Variants in PPP2R2C observed in about 807,000 individuals in gnomAD.
PPP2R2C encodes the protein protein phosphatase 2, regulatory subunit B, gamma.
In PPP2R2C, 10 loss-of-function variants were observed where a neutral mutation model predicts 45.3. That is an observed-to-expected ratio of 0.22 (90% CI 0.14 to 0.37). The LOEUF is 0.37. Ranked by LOEUF, PPP2R2C falls within the 10% of genes least tolerant of loss-of-function variation. PPP2R2C has a pLI of 1.00. For missense variants in PPP2R2C, 308 were observed against 619.7 expected, an observed-to-expected ratio of 0.50 and a Z score of 5.34; for synonymous variants, 257 against 245.4, an observed-to-expected ratio of 1.05 and a Z score of -0.44.
intron 1 of PPP2R2C, among the ~76,000 whole-genome samples, chr4:6,408,643 G>T (rs979232818): frequency 1.3e-5 from 2 of 152,142 alleles, no homozygotes; most frequent in Non-Finnish European, 2.9e-5. Flanking sequence ...ATTAGTATTT[G>T]GATTCCTTGG....
intron 1 of PPP2R2C, among the ~76,000 whole-genome samples, chr4:6,388,527 G>C (rs1210852656): frequency 6.6e-6 from 1 of 152,192 alleles, no homozygotes; most frequent in African/African-American, 2.4e-5. Flanking sequence ...CTGATAAGAA[G>C]TCCATATGAA....
intron 1 of PPP2R2C, among the ~76,000 whole-genome samples, chr4:6,459,989 A>C (rs1721243568): frequency 6.6e-6 from 1 of 152,210 alleles, no homozygotes; most frequent in Admixed American, 6.5e-5. Context: ...GAAATAACCA[A>C]ATATGCACGC....
chr4:6,374,491 C>A (rs1038445973), intron 4 of PPP2R2C, among the ~76,000 whole-genome samples: 1 of 152,144 alleles, frequency 6.6e-6, no homozygotes, highest in Admixed American at 6.5e-5. Flanking sequence ...CAGACAGTGT[C>A]GGATCCAAAA....
At chr4:6,357,142 C>A (rs532617930) in intron 5 of PPP2R2C, among the ~76,000 whole-genome samples, 1 of 147,384 alleles carries the variant, frequency 6.8e-6, no homozygotes, top group South Asian at 2.2e-4. Context: ...TGTGGCACCT[C>A]GGGTCAGTCT....
intron 1 of PPP2R2C, among the ~76,000 whole-genome samples, chr4:6,450,018 C>T (rs1018396706): frequency 6.6e-6 from 1 of 152,234 alleles, no homozygotes; most frequent in East Asian, 1.9e-4. Context: ...TCTCTTTCAT[C>T]GAGTTGCCTG....
intron 8 of PPP2R2C, among the ~76,000 whole-genome samples, chr4:6,326,617 A>G (rs1012870296): frequency 6.6e-6 from 1 of 152,206 alleles, no homozygotes; most frequent in Non-Finnish European, 1.5e-5. Context: ...TGCTGAAGGC[A>G]TCACACATGG....
intron 5 of PPP2R2C, among the ~76,000 whole-genome samples, chr4:6,361,510 T>C (rs1266853345): frequency 1.3e-5 from 2 of 152,256 alleles, no homozygotes; most frequent in Non-Finnish European, 2.9e-5. Flanking sequence ...AACTTCTGCT[T>C]TGCAGGGCTG....
intron 2 of PPP2R2C, among the ~76,000 whole-genome samples, chr4:6,496,479 G>A (rs931511239): frequency 2.0e-5 from 3 of 152,298 alleles, no homozygotes; most frequent in Non-Finnish European, 4.4e-5. Flanking sequence ...AAGGGAGGAG[G>A]GAAGGGCCAT....
chr4:6,386,811 T>C (rs1366313298), intron 1 of PPP2R2C, among the ~76,000 whole-genome samples: 1 of 152,246 alleles, frequency 6.6e-6, no homozygotes, highest in East Asian at 1.9e-4. Context: ...TTAAACTTGC[T>C]ATGATAACTG....
intron 2 of PPP2R2C, among the ~76,000 whole-genome samples, chr4:6,521,329 C>T (rs575775101): frequency 6.8e-4 from 104 of 152,358 alleles, no homozygotes; most frequent in Middle Eastern, 3.4e-3. Context: ...GAGCTACCAT[C>T]AATTAGACAC....
intron 5 of PPP2R2C, among the ~76,000 whole-genome samples, chr4:6,358,139 T>C (rs1023880755): frequency 6.6e-6 from 1 of 152,034 alleles, no homozygotes; most frequent in Admixed American, 6.6e-5. Context: ...AAAACAGAGA[T>C]ATAGACCAAT....
At chr4:6,376,414 A>T (rs1715307602) in intron 3 of PPP2R2C, among the ~76,000 whole-genome samples, 1 of 150,028 alleles carries the variant, frequency 6.7e-6, no homozygotes, top group Non-Finnish European at 1.5e-5. Flanking sequence ...CTGAAAGATG[A>T]CCTTTTCTGT....
At chr4:6,414,525 C>A (rs906670729) in intron 1 of PPP2R2C, among the ~76,000 whole-genome samples, 7 of 152,102 alleles carry the variant, frequency 4.6e-5, no homozygotes, top group Non-Finnish European at 8.8e-5. Flanking sequence ...CCAACAACAA[C>A]TGGTCACTCA....
intron 2 of PPP2R2C, among the ~76,000 whole-genome samples, chr4:6,500,981 C>A (rs981041188): frequency 1.3e-5 from 2 of 152,220 alleles, no homozygotes; most frequent in Admixed American, 1.3e-4. Flanking sequence ...CTGGGCAAGA[C>A]GGCAGAATGC....
At chr4:6,519,369 C>A (rs1475489847) in intron 2 of PPP2R2C, among the ~76,000 whole-genome samples, 1 of 152,232 alleles carries the variant, frequency 6.6e-6, no homozygotes, top group African/African-American at 2.4e-5. Context: ...GGAGGGAGAA[C>A]AGAGCCAGGC....
chr4:6,381,768 C>A, intron 1 of PPP2R2C: 2 of 1,611,248 alleles, frequency 1.2e-6, no homozygotes, highest in African/African-American at 1.3e-5. Context: ...TATGGAGTCA[C>A]CCCCATACCT....
In PPP2R2C at chr4:6,563,049, G is replaced by T. The variant is rs1002064902; in HGVS notation, c.-59+511C>A. Among the ~76,000 whole-genome samples, 1 of 152,046 alleles carries T rather than the reference G, an allele frequency of 6.6e-6. No individual in the cohort carries two copies. The highest frequency in any genetic ancestry group is 1.5e-5 in the Non-Finnish European group (1 of 67,996). ...CCGGCGCGGGCAGCGGGAGGAGCGC[G>T]TAGACGCTGCTGGATGGTACCCGCG... On this transcript the variant is annotated intron_variant, in intron 1 of 9. Coordinates refer to the PPP2R2C transcript ENST00000506140. This position sits in a 1 kb window ranked among gnomAD's most constrained non-coding sequence, Gnocchi z 5.8.
chr4:6,415,821 C>T (rs1271485984), intron 1 of PPP2R2C, among the ~76,000 whole-genome samples: 1 of 152,208 alleles, frequency 6.6e-6, no homozygotes, highest in African/African-American at 2.4e-5. Flanking sequence ...AGCCATGACT[C>T]ACATACCTCC....
chr4:6,534,793 C>T (rs1170864871), intron 2 of PPP2R2C, among the ~76,000 whole-genome samples: 1 of 152,226 alleles, frequency 6.6e-6, no homozygotes, highest in African/African-American at 2.4e-5. Context: ...CACTCGCCCC[C>T]AGTCGGGGTC....
Sources: gnomAD v4.1 joint callset for allele counts (sites outside exome capture counted in the v4.1 genomes callset) on GRCh38, gnomAD v4.1.1 for gene constraint, Gnocchi (gnomAD v3.1) non-coding constraint, MANE v1.5 for transcripts, NCBI Gene and HGNC (gene_info 2026-07-23, HGNC 2026-07-21) for gene names.